Variants in IGF2BP3 observed in about 807,000 individuals in gnomAD.
The protein encoded by IGF2BP3 is insulin-like growth factor 2 mRNA-binding protein 3.
IGF2BP3 carries 9 observed loss-of-function variants against 73.8 expected under a neutral mutation model. The observed-to-expected ratio is 0.12, with a 90% CI of 0.07 to 0.21. IGF2BP3 has a LOEUF of 0.21. Among genes scored for constraint, IGF2BP3 ranks in the 10% least tolerant of loss-of-function variants. IGF2BP3 has a pLI of 1.00. For synonymous variants in IGF2BP3, 258 were observed against 256.7 expected (o/e 1.01, Z -0.05); for missense variants, 542 against 714.0 (o/e 0.76, Z 2.75).
At chr7:23,394,793 A>G (rs1786396272) in intron 3 of IGF2BP3, 1 of 152,234 alleles carries the variant, frequency 6.6e-6, no homozygotes, top group Non-Finnish European at 1.5e-5. Flanking sequence ...CTGTGACAAA[A>G]GAAAGGTTTG....
At chr7:23,405,947 T>G (rs758908310) in intron 3 of IGF2BP3, among the ~76,000 whole-genome samples, 4 of 151,914 alleles carry the variant, frequency 2.6e-5, no homozygotes, top group African/African-American at 4.8e-5. Context: ...CACATGATGA[T>G]GGAGCAATGG....
At chr7:23,463,087 C>T (rs1015096866) in intron 2 of IGF2BP3, among the ~76,000 whole-genome samples, 5 of 152,208 alleles carry the variant, frequency 3.3e-5, no homozygotes, top group Admixed American at 3.3e-4. Context: ...ATAAAGGAAA[C>T]TCAGCTAAGA....
chr7:23,351,621 A>C (rs770486329), intron 5 of IGF2BP3, 35 bp from the exon 6 acceptor site: 1 of 1,609,694 alleles, frequency 6.2e-7, no homozygotes, highest in Non-Finnish European at 8.5e-7. Context: ...TGGGAAAAGG[A>C]ATCAGGCTAT....
intron 3 of IGF2BP3, among the ~76,000 whole-genome samples, chr7:23,403,926 C>T (rs1005400455): frequency 1.3e-5 from 2 of 151,224 alleles, no homozygotes; most frequent in Admixed American, 1.3e-4. Context: ...AGTTTGAGAC[C>T]AGCCTGGGCA....
intron 2 of IGF2BP3, among the ~76,000 whole-genome samples, chr7:23,426,144 T>A (rs555621950): frequency 8.6e-5 from 13 of 151,454 alleles, no homozygotes; most frequent in African/African-American, 3.2e-4. Context: ...CTGGCCAACA[T>A]CGTGAAAACC....
At chr7:23,412,842 C>CCTTTTTTT (rs1787068279) in intron 3 of IGF2BP3, among the ~76,000 whole-genome samples, 1 of 36,978 alleles carries the variant, frequency 2.7e-5, no homozygotes, top group African/African-American at 1.1e-4. Flanking sequence ...AGACTCTGGC[C>CCTTTTTTT]TTTTTTTTTT....
chr7:23,405,650 T>C (rs1461466723), intron 3 of IGF2BP3, among the ~76,000 whole-genome samples: 1 of 152,156 alleles, frequency 6.6e-6, no homozygotes, highest in Non-Finnish European at 1.5e-5. Context: ...GCGTACCCTA[T>C]TGTGAACTGC....
intron 2 of IGF2BP3, among the ~76,000 whole-genome samples, chr7:23,431,003 A>G (rs1449018555): frequency 2.0e-5 from 3 of 152,262 alleles, no homozygotes; most frequent in Admixed American, 6.5e-5. Flanking sequence ...TTCACTGAAA[A>G]AAGTGCATCA....
chr7:23,467,003 AGGCTAT>A (rs1250994970), intron 2 of IGF2BP3, among the ~76,000 whole-genome samples: 1 of 152,204 alleles, frequency 6.6e-6, no homozygotes, highest in African/African-American at 2.4e-5. Flanking sequence ...TAACCAATTC[AGGCTAT>A]GGCTTTAAGC....
intron 2 of IGF2BP3, among the ~76,000 whole-genome samples, chr7:23,443,203 G>C (rs142070283): frequency 0.021 from 2,905 of 139,238 alleles, 98 homozygotes; most frequent in African/African-American, 0.075. Flanking sequence ...TCGGCTCACT[G>C]TAAACTCCGC....
At chr7:23,355,366 C>CTGG (rs1196365919) in intron 5 of IGF2BP3, among the ~76,000 whole-genome samples, 2 of 151,440 alleles carry the variant, frequency 1.3e-5, no homozygotes, top group Non-Finnish European at 2.9e-5. Context: ...GGATTACAGG[C>CTGG]GTGTACCACC....
intron 2 of IGF2BP3, among the ~76,000 whole-genome samples, chr7:23,424,877 A>G (rs538332506): frequency 2.5e-4 from 38 of 152,366 alleles, no homozygotes; most frequent in African/African-American, 8.4e-4. Flanking sequence ...GTCACCAATT[A>G]GAGAAAGTGA....
intron 3 of IGF2BP3, among the ~76,000 whole-genome samples, chr7:23,379,450 T>C (rs1785836302): frequency 1.3e-5 from 2 of 152,196 alleles, no homozygotes; most frequent in Admixed American, 1.3e-4. Flanking sequence ...TAGAAAATAT[T>C]TGGGTACCAA....
intron 5 of IGF2BP3, among the ~76,000 whole-genome samples, chr7:23,361,114 T>A (rs1158133995): frequency 6.6e-6 from 1 of 152,208 alleles, no homozygotes; most frequent in Non-Finnish European, 1.5e-5. Context: ...AGGTAACCAG[T>A]GAGTAAGAAG....
intron 2 of IGF2BP3, among the ~76,000 whole-genome samples, chr7:23,446,570 A>G (rs1360347289): frequency 6.6e-6 from 1 of 152,102 alleles, no homozygotes; most frequent in Non-Finnish European, 1.5e-5. Context: ...CAAAATAAAA[A>G]ACAAATAATA....
At chr7:23,405,354 G>C (rs1786793094) in intron 3 of IGF2BP3, among the ~76,000 whole-genome samples, 1 of 152,174 alleles carries the variant, frequency 6.6e-6, no homozygotes, top group Non-Finnish European at 1.5e-5. Context: ...AAGACTCAAA[G>C]TAAAGATAAC....
intron 6 of IGF2BP3, among the ~76,000 whole-genome samples, chr7:23,350,426 C>A (rs1162553475): frequency 1.3e-5 from 2 of 152,196 alleles, no homozygotes; most frequent in African/African-American, 2.4e-5. Flanking sequence ...TCAGGAAATA[C>A]AGTAGTAACA....
intron 2 of IGF2BP3, among the ~76,000 whole-genome samples, chr7:23,450,272 G>GT (rs1788167454): frequency 6.6e-6 from 1 of 152,194 alleles, no homozygotes; most frequent in African/African-American, 2.4e-5. Context: ...AAAAAGCACT[G>GT]TGCAGTTGTT....
chr7:23,353,951 T>C (rs1785029276), intron 5 of IGF2BP3, among the ~76,000 whole-genome samples: 1 of 152,234 alleles, frequency 6.6e-6, no homozygotes, highest in African/African-American at 2.4e-5. Flanking sequence ...AAGTTGGAGA[T>C]GCAGAAGAGT....
Sources: gnomAD v4.1 joint callset for allele counts (sites outside exome capture counted in the v4.1 genomes callset) on GRCh38, gnomAD v4.1.1 for gene constraint, MANE v1.5 for transcripts, NCBI Gene and HGNC (gene_info 2026-07-23, HGNC 2026-07-21) for gene names.